Variants in RPH3A observed in about 807,000 individuals in gnomAD.
RPH3A encodes the protein rabphilin 3A, also known as rabphilin-3A.
Under a neutral mutation model 102.2 loss-of-function variants are expected in RPH3A, and 48 were observed. The ratio of observed to expected loss-of-function variants is 0.47; its 90% CI spans 0.37 to 0.60. RPH3A has a LOEUF of 0.60. Among genes scored for constraint, RPH3A ranks in the 20% least tolerant of loss-of-function variants. The pLI, the probability that RPH3A is intolerant of heterozygous loss-of-function variation, is 0.00. For synonymous variants in RPH3A, 310 were observed against 324.3 expected, an observed-to-expected ratio of 0.96 and a Z score of 0.47; for missense variants, 781 against 910.1, an observed-to-expected ratio of 0.86 and a Z score of 1.83.
At chr12:112,712,571 A>G (rs2040469808) in intron 1 of RPH3A, among the ~76,000 whole-genome samples, 1 of 152,206 alleles carries the variant, frequency 6.6e-6, no homozygotes, top group South Asian at 2.1e-4. Context: ...TGAAGCAATC[A>G]CAGCCCTGTC....
At chr12:112,668,512 A>C (rs1043984503) in intron 1 of RPH3A, among the ~76,000 whole-genome samples, 2 of 152,186 alleles carry the variant, frequency 1.3e-5, no homozygotes, top group African/African-American at 4.8e-5. Context: ...CTTTGCAGGG[A>C]CATGGATGAA....
At chr12:112,854,213 G>A (rs1252723353) in intron 5 of RPH3A, among the ~76,000 whole-genome samples, 3 of 152,320 alleles carry the variant, frequency 2.0e-5, no homozygotes, top group South Asian at 2.1e-4. Context: ...AACTAAAAAT[G>A]TCTCCAGACA....
chr12:112,632,903 A>T (rs1435961310), intron 1 of RPH3A, among the ~76,000 whole-genome samples: 1 of 151,978 alleles, frequency 6.6e-6, no homozygotes, highest in East Asian at 1.9e-4. Flanking sequence ...CAAAAACTGG[A>T]TCTAGGGGGT....
At chr12:112,833,195 A>G (rs1266230521) in intron 3 of RPH3A, among the ~76,000 whole-genome samples, 2 of 152,122 alleles carry the variant, frequency 1.3e-5, no homozygotes, top group Non-Finnish European at 2.9e-5. Context: ...ACATTTTGAT[A>G]TTCTCTGTTA....
At chr12:112,797,582 C>G (rs1374889339) in intron 2 of RPH3A, among the ~76,000 whole-genome samples, 1 of 152,136 alleles carries the variant, frequency 6.6e-6, no homozygotes, top group Non-Finnish European at 1.5e-5. Flanking sequence ...AGGCAGGACC[C>G]CAGGACTCAG....
At chr12:112,734,039 A>G (rs1425375933) in intron 1 of RPH3A, among the ~76,000 whole-genome samples, 2 of 152,176 alleles carry the variant, frequency 1.3e-5, no homozygotes, top group East Asian at 1.9e-4. Context: ...TATTATTCTC[A>G]TTATACAGAT....
chr12:112,837,816 T>C (rs1028552362), intron 4 of RPH3A: 1 of 455,910 alleles, frequency 2.2e-6, no homozygotes, highest in Non-Finnish European at 4.4e-6. Context: ...AAAGGTAGCA[T>C]GTTCATCCTC....
At chr12:112,675,839 G>T (rs1016974443) in intron 1 of RPH3A, among the ~76,000 whole-genome samples, 1 of 152,196 alleles carries the variant, frequency 6.6e-6, no homozygotes, top group South Asian at 2.1e-4. Flanking sequence ...CAGGAAAATA[G>T]AAATGACACT....
At chr12:112,836,462 C>A (rs1164530369) in intron 3 of RPH3A, 29 bp from the exon 4 acceptor site, 9 of 1,302,156 alleles carry the variant, frequency 6.9e-6, no homozygotes, top group South Asian at 4.1e-5. Context: ...TTCATTTTTT[C>A]TTTCTCTCCT....
intron 2 of RPH3A, among the ~76,000 whole-genome samples, chr12:112,795,979 A>G (rs1159086475): frequency 1.3e-5 from 2 of 152,338 alleles, no homozygotes; most frequent in East Asian, 3.9e-4. Flanking sequence ...CTAGTTGTGT[A>G]GCTGTATGAC....
chr12:112,713,095 TTCTTCTTTTATTTTTTTG>T, intron 1 of RPH3A, among the ~76,000 whole-genome samples: 1 of 139,540 alleles, frequency 7.2e-6, no homozygotes, highest in East Asian at 2.1e-4. Context: ...CTTCTTCTTC[TTCTTCTTTTATTTTTTTG>T]TAGAGAAAGG....
intron 1 of RPH3A, among the ~76,000 whole-genome samples, chr12:112,676,185 A>C (rs1287195073): frequency 1.3e-5 from 2 of 151,430 alleles, no homozygotes; most frequent in Non-Finnish European, 2.9e-5. Flanking sequence ...GCCAGTTAGC[A>C]AAGGAGCCCA....
At chr12:112,690,482 CA>C (rs1207956997) in intron 1 of RPH3A, among the ~76,000 whole-genome samples, 33 of 152,158 alleles carry the variant, frequency 2.2e-4, no homozygotes. Context: ...GGCTTATTAC[CA>C]AGATGTATTA....
At chr12:112,725,113 G>T (rs1230569278) in intron 1 of RPH3A, among the ~76,000 whole-genome samples, 1 of 151,828 alleles carries the variant, frequency 6.6e-6, no homozygotes, top group Non-Finnish European at 1.5e-5. Context: ...GCCGGGCATG[G>T]TGGCATACGC....
At chr12:112,889,278 G>A (rs1235344005) in intron 17 of RPH3A, among the ~76,000 whole-genome samples, 1 of 152,210 alleles carries the variant, frequency 6.6e-6, no homozygotes, top group East Asian at 1.9e-4. Flanking sequence ...CCAACTCCGT[G>A]AGTCCAGTTG....
At chr12:112,656,995 C>A (rs2136000787) in intron 1 of RPH3A, among the ~76,000 whole-genome samples, 1 of 151,942 alleles carries the variant, frequency 6.6e-6, no homozygotes, top group East Asian at 1.9e-4. Flanking sequence ...TGAATGGGAG[C>A]TTATTTTTGG....
intron 2 of RPH3A, among the ~76,000 whole-genome samples, chr12:112,795,889 G>A (rs1335807956): frequency 6.6e-6 from 1 of 152,178 alleles, no homozygotes. Context: ...CAATCGGGGC[G>A]ATGTTGGTGA....
intron 1 of RPH3A, among the ~76,000 whole-genome samples, chr12:112,746,183 C>T (rs1214628647): frequency 6.6e-6 from 1 of 152,124 alleles, no homozygotes; most frequent in Non-Finnish European, 1.5e-5. Flanking sequence ...AATGAATGCT[C>T]TTGAACACCT....
intron 1 of RPH3A, chr12:112,650,735 T>C (rs2135997068): frequency 6.6e-6 from 1 of 151,098 alleles, no homozygotes; most frequent in South Asian, 2.1e-4. Flanking sequence ...TTTACACATT[T>C]TTTTTTTTTT....
Sources: gnomAD v4.1 joint callset for allele counts (sites outside exome capture counted in the v4.1 genomes callset) on GRCh38, gnomAD v4.1.1 for gene constraint, MANE v1.5 for transcripts, NCBI Gene and HGNC (gene_info 2026-07-23, HGNC 2026-07-21) for gene names.